The following PCDHGA9 variants were observed in gnomAD, a reference collection of about 807,000 sequenced individuals.
The protein encoded by PCDHGA9 is protocadherin gamma-A9.
PCDHGA9 carries 37 observed loss-of-function variants against 62.5 expected under a neutral mutation model. That is an observed-to-expected ratio of 0.59 (90% CI 0.46 to 0.78). The LOEUF (loss-of-function observed/expected upper bound fraction) is 0.78. Among genes scored for constraint, PCDHGA9 ranks in the 30% least tolerant of loss-of-function variants. PCDHGA9 has a pLI of 0.00. For synonymous variants in PCDHGA9, 459 were observed against 484.6 expected (o/e 0.95, Z 0.69); for missense variants, 1,138 against 1,166.2 (o/e 0.98, Z 0.35).
At chr5:141,415,740 G>GTTTTTTTTTTTTTTTTTTTTTTTTTTT (rs57426385) in intron 1 of PCDHGA9, 4 of 625,042 alleles carry the variant, frequency 6.4e-6, no homozygotes, top group Non-Finnish European at 6.4e-6. Flanking sequence ...GTTTATTAAG[G>GTTTTTTTTTTTTTTTTTTTTTTTTTTT]TTTTTTTTTT....
At chr5:141,498,971 G>A (rs866066098) in intron 2 of PCDHGA9, among the ~76,000 whole-genome samples, 16 of 111,052 alleles carry the variant, frequency 1.4e-4, no homozygotes, top group African/African-American at 2.5e-4. Context: ...GAGGGAGGGA[G>A]GGAAGGAAGG....
intron 1 of PCDHGA9, chr5:141,421,588 G>A: frequency 1.2e-6 from 2 of 1,613,910 alleles, no homozygotes; most frequent in Non-Finnish European, 8.5e-7. Context: ...TTACGGAGTG[G>A]AGGTGGAAAT....
At chr5:141,495,571 C>T (rs1031548699) in intron 2 of PCDHGA9, among the ~76,000 whole-genome samples, 1 of 152,198 alleles carries the variant, frequency 6.6e-6, no homozygotes, top group African/African-American at 2.4e-5. Flanking sequence ...TCTGCCTCTC[C>T]CTCTCTTCTC....
In PCDHGA9 at chr5:141,485,354, G is replaced by C; in HGVS notation, c.2425-9453G>C. 7 of 1,614,176 alleles carry C rather than the reference G, an allele frequency of 4.3e-6. No homozygotes were observed. Among genetic ancestry groups the C allele is most frequent in the Non-Finnish European group, 5.1e-6 (6 of 1,180,024 alleles). Reference sequence around the variant, plus strand: ...CCTGCTGGATACGGACAGTCTGTCAGCTCGCAGGCTGCAGGTCGCTGGAGA... The same window carrying C: ...CCTGCTGGATACGGACAGTCTGTCACCTCGCAGGCTGCAGGTCGCTGGAGA... On this transcript the variant is annotated intron_variant, in intron 1 of 3. Transcript: ENST00000573521. This position sits in a 1 kb window ranked among gnomAD's most constrained non-coding sequence, Gnocchi z 5.7.
chr5:141,512,275 A>G lies in PCDHGA9; in HGVS notation c.*1102A>G, dbSNP rs368275103. 1 of 152,730 alleles carries G rather than the reference A, an allele frequency of 6.5e-6. No individual in the cohort carries two copies. The highest frequency in any genetic ancestry group is 2.1e-4 in the South Asian group (1 of 4,824). The allele number at this position is 152,730 out of a possible 1,614,324, so 9.5% of individuals were successfully genotyped here. ...GGGTGCTGGGTACTCCAGAGGTGCC[A>G]CTGGTGGAAGGGTCAGCGGAGCCCC... On this transcript the variant is annotated 3_prime_UTR_variant, in exon 4 of 4. Transcript: ENST00000573521.
chr5:141,496,377 G>A (rs1413938730), intron 2 of PCDHGA9, among the ~76,000 whole-genome samples: 1 of 152,114 alleles, frequency 6.6e-6, no homozygotes, highest in Non-Finnish European at 1.5e-5. Flanking sequence ...CAGGAGCTTG[G>A]GCCACCTTAC....
At chr5:141,407,873 A>C (rs561323423) in intron 1 of PCDHGA9, 1 of 354,804 alleles carries the variant, frequency 2.8e-6, no homozygotes, top group African/African-American at 2.1e-5. Flanking sequence ...CGAAGAATAT[A>C]TACATTTCGG....
intron 2 of PCDHGA9, 35 bp from the exon 3 acceptor site, chr5:141,505,358 G>A (rs1156448862): frequency 6.2e-7 from 1 of 1,613,796 alleles, no homozygotes; most frequent in Non-Finnish European, 8.5e-7. Context: ...GTGCCGGCCT[G>A]GGAGTCTGTG....
intron 1 of PCDHGA9, among the ~76,000 whole-genome samples, chr5:141,450,777 G>A (rs907160074): frequency 1.3e-5 from 2 of 150,004 alleles, no homozygotes; most frequent in East Asian, 2.0e-4. Context: ...ATGAGCCACC[G>A]TGCCCGGACC....
intron 1 of PCDHGA9, chr5:141,433,104 A>G: frequency 6.2e-7 from 1 of 1,614,214 alleles, no homozygotes; most frequent in Non-Finnish European, 8.5e-7. Flanking sequence ...CTCGTCAGCC[A>G]GGAGAGCTTT....
At chr5:141,418,130 G>A in intron 1 of PCDHGA9, 3 of 1,614,106 alleles carry the variant, frequency 1.9e-6, no homozygotes, top group Non-Finnish European at 2.5e-6. Flanking sequence ...GGACCGAATA[G>A]ACCGTGAGCA....
Position 141,485,633 on chromosome 5 carries a change from T to C in PCDHGA9, c.2425-9174T>C. 2 of 1,611,808 alleles carry C rather than the reference T, an allele frequency of 1.2e-6. No homozygotes were observed. Among genetic ancestry groups the C allele is most frequent in the South Asian group, 1.1e-5 (1 of 90,962 alleles). On this transcript the variant is annotated intron_variant, in intron 1 of 3. Coordinates refer to ENST00000573521, the MANE Select transcript of PCDHGA9 (RefSeq NM_018921.3). The surrounding 1 kb of genome is among the most constrained non-coding windows in gnomAD (Gnocchi z 5.7). Reference sequence around the variant, plus strand: ...AGCTCCTCCAGGACAGCGTTTCCCGTTGGAAAAGGCTCAGGATGCAGATGT... The same window carrying C: ...AGCTCCTCCAGGACAGCGTTTCCCGCTGGAAAAGGCTCAGGATGCAGATGT...
At position 141,420,439 on chromosome 5, in the gene PCDHGA9, C is replaced by T. The variant is rs2096496531; in HGVS notation, c.2424+15063C>T. ...TTAAAACAAAAGTTTAAATTAAATGCCTCAGTCTTCCTACTATTCAAAGAC... is the reference window on the plus strand; with the variant it reads ...TTAAAACAAAAGTTTAAATTAAATGTCTCAGTCTTCCTACTATTCAAAGAC... On this transcript the variant is annotated intron_variant, in intron 1 of 3. Coordinates refer to ENST00000573521, the MANE Select transcript of PCDHGA9 (RefSeq NM_018921.3). 10 of 1,073,160 alleles carry T rather than the reference C, an allele frequency of 9.3e-6. No individual in the cohort carries two copies. In the South Asian group the frequency reaches 2.0e-4, roughly 22 times the overall value. The allele number at this position is 1,073,160 out of a possible 1,614,324, so 66.5% of individuals were successfully genotyped here.
intron 1 of PCDHGA9, chr5:141,410,836 ATT>A (rs371761731): frequency 1.6e-5 from 4 of 254,870 alleles, no homozygotes; most frequent in African/African-American, 1.4e-4. Flanking sequence ...GACTGAAGAT[ATT>A]TTGTCTTTGT....
Position 141,405,312 on chromosome 5 carries a change from A to G in PCDHGA9, c.2360A>G (p.Lys787Arg). The G allele has an allele frequency of 1.2e-6, 2 of 1,614,208 alleles. No homozygotes were observed. The highest frequency in any genetic ancestry group is 8.5e-7 in the Non-Finnish European group (1 of 1,180,028). ...CTCATCAGCCAGCAGAGCTGTGAGAAAAATGAGCCTTTGTGCGTCTCTGTT... is the reference window on the plus strand; with the variant it reads ...CTCATCAGCCAGCAGAGCTGTGAGAGAAATGAGCCTTTGTGCGTCTCTGTT... ...DTLISQQSCE[K>R]NEPLCVSVDS... The change falls in exon 1 of 4, where the codon AAA becomes AGA. Residue 787 changes from lysine (K) to arginine (R), a missense_variant. By Grantham distance (26) the Lys-to-Arg change is conservative. Coordinates refer to ENST00000573521, the MANE Select transcript of PCDHGA9 (RefSeq NM_018921.3).
At chr5:141,481,963 TA>T (rs1158466251) in intron 1 of PCDHGA9, among the ~76,000 whole-genome samples, 1 of 148,746 alleles carries the variant, frequency 6.7e-6, no homozygotes, top group Non-Finnish European at 1.5e-5. Context: ...CAGGTGCCTG[TA>T]GTCACAGCTA....
intron 1 of PCDHGA9, chr5:141,430,655 G>T (rs1309165721): frequency 1.6e-5 from 17 of 1,084,938 alleles, no homozygotes; most frequent in Non-Finnish European, 2.2e-5. Flanking sequence ...TGGAAACAAC[G>T]GAGGAGCTCT....
At position 141,432,646 on chromosome 5, in the gene PCDHGA9, G is replaced by A. The variant is rs780822589; in HGVS notation, c.2424+27270G>A. 9.3e-6 allele frequency: 15 copies of A among 1,613,690 alleles called. No individual in the cohort carries two copies. The highest frequency in any genetic ancestry group is 1.3e-5 in the Non-Finnish European group (15 of 1,179,944). ...TGCACACGGGCGAGGTGCGCACGGCGCGAGCCCTGCTGGACAGAGACGCGC... is the reference window on the plus strand; with the variant it reads ...TGCACACGGGCGAGGTGCGCACGGCACGAGCCCTGCTGGACAGAGACGCGC... On this transcript the variant is annotated intron_variant, in intron 1 of 3. Transcript: ENST00000573521. This position sits in a 1 kb window ranked among gnomAD's most constrained non-coding sequence, Gnocchi z 6.0.
At position 141,403,804 on chromosome 5, in the gene PCDHGA9, T is replaced by G. The variant is rs2094456767; in HGVS notation, c.852T>G (p.Ile284Met). 1 of 1,613,764 alleles carries G rather than the reference T, an allele frequency of 6.2e-7. No individual in the cohort carries two copies. Among genetic ancestry groups the G allele is most frequent in the Non-Finnish European group, 8.5e-7 (1 of 1,179,904 alleles). Reference sequence around the variant, plus strand: ...AAGTGGCATACAAATTCTGGAAAATTAATGAAAAACAATCTCTGCTATTCC... The same window carrying G: ...AAGTGGCATACAAATTCTGGAAAATGAATGAAAAACAATCTCTGCTATTCC... ...NGKVAYKFWKINEKQSLLFQL... is the reference protein window; with the variant it reads ...NGKVAYKFWKMNEKQSLLFQL... The change falls in exon 1 of 4, where the codon ATT (isoleucine) becomes ATG (methionine). Residue 284 changes from isoleucine (I) to methionine (M), a missense_variant. Coordinates refer to ENST00000573521, the MANE Select transcript of PCDHGA9 (RefSeq NM_018921.3).
Sources: gnomAD v4.1 joint callset for allele counts (sites outside exome capture counted in the v4.1 genomes callset) on GRCh38, gnomAD v4.1.1 for gene constraint, Gnocchi (gnomAD v3.1) non-coding constraint, MANE v1.5 for transcripts, NCBI Gene and HGNC (gene_info 2026-07-23, HGNC 2026-07-21) for gene names.